The following CYRIB variants were observed in gnomAD, a reference collection of about 807,000 sequenced individuals.
CYRIB encodes the protein CYFIP related Rac1 interactor B.
Under a neutral mutation model 44.2 loss-of-function variants are expected in CYRIB, and 8 were observed. The observed-to-expected ratio is 0.18, with a 90% CI of 0.11 to 0.33. The LOEUF is 0.33. Among genes scored for constraint, CYRIB ranks in the 10% least tolerant of loss-of-function variants. The probability of loss-of-function intolerance (pLI) is 1.00; values close to 1 mark genes in which losing one functional copy is unlikely to be tolerated. For synonymous variants in CYRIB, 131 were observed against 127.2 expected (o/e 1.03, Z -0.20); for missense variants, 185 against 382.8 (o/e 0.48, Z 4.31).
intron 1 of CYRIB, among the ~76,000 whole-genome samples, chr8:129,914,916 A>G (rs1249069575): frequency 6.6e-6 from 1 of 152,232 alleles, no homozygotes; most frequent in Non-Finnish European, 1.5e-5. Context: ...ATAATTCACC[A>G]AAGTTAAATG....
intron 1 of CYRIB, among the ~76,000 whole-genome samples, chr8:129,924,829 T>G (rs1241851461): frequency 6.6e-6 from 1 of 151,982 alleles, no homozygotes; most frequent in Non-Finnish European, 1.5e-5. Context: ...ATAAAAAAAC[T>G]TAGCCAGATG....
upstream of CYRIB, chr8:130,016,633 C>G (rs1179470221): frequency 6.7e-6 from 1 of 149,398 alleles, no homozygotes; most frequent in Non-Finnish European, 1.5e-5. Flanking sequence ...CGCCGGCGCT[C>G]GCACAAAAGG....
intron 1 of CYRIB, among the ~76,000 whole-genome samples, chr8:130,006,817 G>C (rs1339160391): frequency 6.7e-6 from 1 of 149,988 alleles, no homozygotes; most frequent in Non-Finnish European, 1.5e-5. Flanking sequence ...AAAATGGGTG[G>C]GGGGACTTGA....
chr8:129,926,159 G>T (rs1347856334), intron 1 of CYRIB, among the ~76,000 whole-genome samples: 1 of 152,058 alleles, frequency 6.6e-6, no homozygotes, highest in Non-Finnish European at 1.5e-5. Flanking sequence ...TTCGTATTCT[G>T]TATTTTCTAA....
At chr8:130,008,003 G>A (rs1454475352) in intron 1 of CYRIB, among the ~76,000 whole-genome samples, 1 of 152,138 alleles carries the variant, frequency 6.6e-6, no homozygotes, top group East Asian at 1.9e-4. Context: ...GAGGTCAGGT[G>A]TTCAAGACTG....
intron 1 of CYRIB, among the ~76,000 whole-genome samples, chr8:129,909,614 C>T (rs1028999236): frequency 2.6e-5 from 4 of 151,974 alleles, no homozygotes; most frequent in Non-Finnish European, 5.9e-5. Context: ...GTTTTTCTAA[C>T]CTTTTGCTCT....
intron 1 of CYRIB, among the ~76,000 whole-genome samples, chr8:129,989,015 C>T (rs754084478): frequency 2.1e-4 from 32 of 152,310 alleles, no homozygotes; most frequent in Non-Finnish European, 3.8e-4. Flanking sequence ...CACCGTCCAG[C>T]ATCACACAGC....
At chr8:129,939,712 G>A (rs1343192934) in exon 1 of CYRIB, 2 of 152,272 alleles carry the variant, frequency 1.3e-5, no homozygotes, top group African/African-American at 4.8e-5. Context: ...GTCCGGAGCG[G>A]GGGAGCGGCG....
At chr8:129,931,649 CAG>C (rs1485449207) in intron 1 of CYRIB, among the ~76,000 whole-genome samples, 2 of 151,950 alleles carry the variant, frequency 1.3e-5, no homozygotes, top group African/African-American at 2.4e-5. Context: ...TTTTTTGAGA[CAG>C]AGTCTCCCTC....
chr8:129,887,394 C>T (rs1475572412), intron 2 of CYRIB, among the ~76,000 whole-genome samples: 3 of 152,184 alleles, frequency 2.0e-5, no homozygotes, highest in Admixed American at 2.0e-4. Flanking sequence ...TATGGACATG[C>T]CTGGATGTTC....
chr8:129,955,774 A>C (rs2094791793), intron 2 of CYRIB, among the ~76,000 whole-genome samples: 1 of 152,224 alleles, frequency 6.6e-6, no homozygotes, highest in South Asian at 2.1e-4. Flanking sequence ...AACAAACCCA[A>C]GATTAATAGC....
At chr8:129,946,483 T>C (rs1352192173) in intron 2 of CYRIB, among the ~76,000 whole-genome samples, 5 of 152,090 alleles carry the variant, frequency 3.3e-5, no homozygotes, top group African/African-American at 1.2e-4. Context: ...ACTCCATGGA[T>C]ATTTAACGAA....
chr8:129,939,166 T>G (rs2093341914), intron 1 of CYRIB, among the ~76,000 whole-genome samples: 1 of 148,164 alleles, frequency 6.7e-6, no homozygotes, highest in Non-Finnish European at 1.5e-5. Context: ...TAAGGGGGTG[T>G]GGAGCTGGGG....
intron 4 of CYRIB, among the ~76,000 whole-genome samples, chr8:129,867,657 ACTCT>A (rs891911236): frequency 4.6e-5 from 7 of 151,860 alleles, no homozygotes; most frequent in African/African-American, 1.7e-4. Flanking sequence ...TAATAAGAAA[ACTCT>A]CAGTTCATTT....
chr8:129,969,412 C>T (rs2095609951), intron 2 of CYRIB, among the ~76,000 whole-genome samples: 1 of 152,198 alleles, frequency 6.6e-6, no homozygotes, highest in Admixed American at 6.5e-5. Context: ...CCAGGAAGGA[C>T]TCACACAAGT....
chr8:130,012,248 A>G (rs2097240842), intron 1 of CYRIB, among the ~76,000 whole-genome samples: 2 of 152,210 alleles, frequency 1.3e-5, no homozygotes, highest in African/African-American at 4.8e-5. Flanking sequence ...TGACTCGTCC[A>G]TGTACTCTTC....
intron 3 of CYRIB, among the ~76,000 whole-genome samples, chr8:129,875,479 G>A (rs1036761403): frequency 6.6e-6 from 1 of 151,888 alleles, no homozygotes; most frequent in African/African-American, 2.4e-5. Context: ...CCAAAGTGCT[G>A]GAATTACAGC....
chr8:129,855,453 A>T, intron 6 of CYRIB, 158 bp downstream of exon 8: 1 of 710,368 alleles, frequency 1.4e-6, no homozygotes, highest in Non-Finnish European at 2.2e-6. Context: ...ATGTATCAAA[A>T]GACCCGTCAT....
At chr8:129,948,695 A>G (rs1443646328) in intron 2 of CYRIB, 1 of 152,276 alleles carries the variant, frequency 6.6e-6, no homozygotes, top group Non-Finnish European at 1.5e-5. Context: ...AAACCTATGG[A>G]GAGGTTAGTT....
Sources: gnomAD v4.1 joint callset for allele counts (sites outside exome capture counted in the v4.1 genomes callset) on GRCh38, gnomAD v4.1.1 for gene constraint, MANE v1.5 for transcripts, NCBI Gene and HGNC (gene_info 2026-07-23, HGNC 2026-07-21) for gene names.